Variants in TMTC1 observed in about 807,000 individuals in gnomAD.
TMTC1 encodes the protein transmembrane O-mannosyltransferase targeting cadherins 1.
A neutral mutation model predicts 104.8 loss-of-function variants in TMTC1; 73 were observed. The observed-to-expected ratio is 0.70, with a 90% CI of 0.58 to 0.85. The LOEUF (loss-of-function observed/expected upper bound fraction) is 0.85. Ranked by LOEUF, TMTC1 falls within the 40% of genes least tolerant of loss-of-function variation. The pLI, the probability that TMTC1 is intolerant of heterozygous loss-of-function variation, is 0.00. For synonymous variants in TMTC1, 434 were observed against 428.7 expected (o/e 1.01, Z -0.15); for missense variants, 1,035 against 1,096.1 (o/e 0.94, Z 0.79).
intron 5 of TMTC1, among the ~76,000 whole-genome samples, chr12:29,678,935 T>C (rs1591914219): frequency 6.6e-6 from 1 of 152,098 alleles, no homozygotes; most frequent in South Asian, 2.1e-4. Context: ...GCAACATACA[T>C]CAAAACCTAA....
intron 5 of TMTC1, among the ~76,000 whole-genome samples, chr12:29,709,966 G>A (rs779570807): frequency 7.2e-5 from 11 of 152,050 alleles, no homozygotes; most frequent in African/African-American, 1.4e-4. Context: ...AAATAAAGCC[G>A]AGAGAAAATC....
Position 29,633,218 on chromosome 12 carries a change from G to T in TMTC1, c.1057C>A (p.Arg353=), listed in dbSNP as rs770862561. Residue 353 remains arginine (R), a synonymous_variant, in exon 6 of 18, where the codon CGG becomes AGG. Coordinates refer to ENST00000539277, the MANE Select transcript of TMTC1 (RefSeq NM_001193451.2). The part of the protein sequence containing the change: ...IPLVETIWDM[R]NLATIFLAVV... ...GCCAGAAAGATGGTGGCTAAGTTCC[G>T]CATGTCCCATATGGTCTCTACCAGA... is the stretch of plus-strand genomic sequence containing the variant. 1.2e-6 allele frequency: 2 copies of T among 1,613,958 alleles called. No homozygotes were observed. The highest frequency in any genetic ancestry group is 2.2e-5 in the South Asian group (2 of 91,080).
At chr12:29,735,188 C>G (rs2136926285) in intron 5 of TMTC1, among the ~76,000 whole-genome samples, 1 of 152,276 alleles carries the variant, frequency 6.6e-6, no homozygotes, top group Non-Finnish European at 1.5e-5. Flanking sequence ...TAGGTGCTAT[C>G]CTTAAACTGA....
intron 6 of TMTC1, among the ~76,000 whole-genome samples, chr12:29,618,678 T>TCACTACAGTCTCCTCTGTGTTTC: frequency 6.6e-6 from 1 of 152,088 alleles, no homozygotes; most frequent in Non-Finnish European, 1.5e-5. Context: ...TGACAGTCAA[T>TCACTACAGTCTCCTCTGTGTTTC]CACTACAGTC....
chr12:29,533,645 G>C (rs887631487), intron 11 of TMTC1: 1 of 152,070 alleles, frequency 6.6e-6, no homozygotes, highest in African/African-American at 2.4e-5. Context: ...TATGCTGCAG[G>C]GCTTCCTAAC....
intron 11 of TMTC1, among the ~76,000 whole-genome samples, chr12:29,525,587 T>C (rs1319757485): frequency 1.3e-5 from 2 of 151,450 alleles, no homozygotes; most frequent in Non-Finnish European, 2.9e-5. Flanking sequence ...GAAAAGCCTT[T>C]TTTTTTTTTT....
chr12:29,693,626 T>C (rs776717004), intron 5 of TMTC1, among the ~76,000 whole-genome samples: 2 of 151,408 alleles, frequency 1.3e-5, no homozygotes, highest in Non-Finnish European at 2.9e-5. Context: ...AAAACTAAAA[T>C]GCTGTGCACT....
chr12:29,600,829 C>A (rs892704696), intron 7 of TMTC1, among the ~76,000 whole-genome samples: 1 of 152,014 alleles, frequency 6.6e-6, no homozygotes, highest in Non-Finnish European at 1.5e-5. Context: ...GGTGATGGTA[C>A]GTGTTAGTCC....
At chr12:29,622,452 T>A (rs543305663) in intron 6 of TMTC1, among the ~76,000 whole-genome samples, 1 of 152,202 alleles carries the variant, frequency 6.6e-6, no homozygotes, top group African/African-American at 2.4e-5. Context: ...ACTTTCCTGA[T>A]ATATGTCACT....
chr12:29,695,272 C>A (rs946393042), intron 5 of TMTC1, among the ~76,000 whole-genome samples: 2 of 152,034 alleles, frequency 1.3e-5, no homozygotes, highest in Non-Finnish European at 2.9e-5. Context: ...TCTGCAAAGA[C>A]CATTTTTTGG....
intron 10 of TMTC1, among the ~76,000 whole-genome samples, chr12:29,548,763 C>T (rs1945008299): frequency 1.4e-5 from 2 of 144,732 alleles, no homozygotes; most frequent in Non-Finnish European, 3.0e-5. Flanking sequence ...CCAAATTCTA[C>T]ACCTATATTT....
At chr12:29,659,789 C>T (rs1939928119) in intron 5 of TMTC1, 2 of 943,088 alleles carry the variant, frequency 2.1e-6, no homozygotes, top group South Asian at 1.7e-5. Context: ...GGATAGACCC[C>T]AATCCTCAAT....
At chr12:29,750,542 T>C (rs183365795) in intron 5 of TMTC1, among the ~76,000 whole-genome samples, 41 of 152,114 alleles carry the variant, frequency 2.7e-4, no homozygotes, top group Admixed American at 2.2e-3. Flanking sequence ...TATTGATGAA[T>C]GAACAAAAGA....
intron 5 of TMTC1, among the ~76,000 whole-genome samples, chr12:29,716,195 A>G (rs573530997): frequency 6.6e-6 from 1 of 151,760 alleles, no homozygotes; most frequent in Non-Finnish European, 1.5e-5. Context: ...ATTTTTAAAG[A>G]TTGTTTTGTT....
At chr12:29,745,923 CT>C (rs1460056297) in intron 5 of TMTC1, among the ~76,000 whole-genome samples, 1 of 152,118 alleles carries the variant, frequency 6.6e-6, no homozygotes, top group African/African-American at 2.4e-5. Flanking sequence ...CATCTAAAGA[CT>C]TAACTATGCA....
At chr12:29,688,127 G>A (rs1053336649) in intron 5 of TMTC1, among the ~76,000 whole-genome samples, 2 of 152,054 alleles carry the variant, frequency 1.3e-5, no homozygotes, top group East Asian at 1.9e-4. Flanking sequence ...GGTACCCTGG[G>A]TTTCACGTGC....
intron 1 of TMTC1, among the ~76,000 whole-genome samples, chr12:29,773,378 C>G (rs1274914777): frequency 6.6e-6 from 1 of 151,806 alleles, no homozygotes; most frequent in East Asian, 1.9e-4. Flanking sequence ...AACCCCATCA[C>G]TGTCTTTTAA....
intron 5 of TMTC1, among the ~76,000 whole-genome samples, chr12:29,659,575 C>T (rs1220425960): frequency 2.6e-5 from 4 of 152,096 alleles, no homozygotes; most frequent in Non-Finnish European, 5.9e-5. Flanking sequence ...GAATAGTAGG[C>T]CAAATAAACG....
chr12:29,750,828 A>C (rs1943072235), intron 5 of TMTC1, among the ~76,000 whole-genome samples: 1 of 152,244 alleles, frequency 6.6e-6, no homozygotes, highest in Non-Finnish European at 1.5e-5. Context: ...TTAACCACTA[A>C]CTAACCTCTA....
Sources: gnomAD v4.1 joint callset for allele counts (sites outside exome capture counted in the v4.1 genomes callset) on GRCh38, gnomAD v4.1.1 for gene constraint, MANE v1.5 for transcripts, NCBI Gene and HGNC (gene_info 2026-07-23, HGNC 2026-07-21) for gene names.